The following EPHX2 variants were observed in gnomAD, a reference collection of about 807,000 sequenced individuals.
The protein encoded by EPHX2 is bifunctional epoxide hydrolase 2.
EPHX2 carries 74 observed loss-of-function variants against 78.7 expected under a neutral mutation model. The ratio of observed to expected loss-of-function variants is 0.94; its 90% confidence interval spans 0.78 to 1.14. The LOEUF is 1.14. EPHX2 is among the 50% of genes most tolerant of loss of function. The pLI is 0.00. For missense variants in EPHX2, 715 were observed against 702.5 expected, an observed-to-expected ratio of 1.02 and a Z score of -0.20; for synonymous variants, 251 against 255.2, an observed-to-expected ratio of 0.98 and a Z score of 0.16.
intron 12 of EPHX2, among the ~76,000 whole-genome samples, chr8:27,527,830 T>G (rs1814901369): frequency 6.6e-6 from 1 of 152,200 alleles, no homozygotes; most frequent in Non-Finnish European, 1.5e-5. Flanking sequence ...TGAGCTCTTA[T>G]GTGCCACGTG....
Position 27,522,387 on chromosome 8 carries a change from T to C in EPHX2, c.973-36T>C, listed in dbSNP as rs72475887. The C allele has an allele frequency of 1.9e-5, 30 of 1,607,604 alleles. No homozygotes were observed. In the African/African-American group the frequency reaches 3.2e-4, roughly 17 times the overall value. ...CTCTCAGCACCCCGTTCCAGAAGCC[T>C]CCCCACATTCGGCTCCCTTCTTTTT... On this transcript the variant is annotated intron_variant, in intron 10 of 18. Transcript: ENST00000521400.
At chr8:27,518,222 T>C in intron 9 of EPHX2, 150 bp downstream of exon 9, 1 of 652,304 alleles carries the variant, frequency 1.5e-6, no homozygotes, top group Admixed American at 3.2e-5. Flanking sequence ...TATTTCCAAA[T>C]GATAGCCCAC....
At chr8:27,546,768 G>T (rs1815583226), downstream of EPHX2, among the ~76,000 whole-genome samples, 1 of 152,188 alleles carries the variant, frequency 6.6e-6, no homozygotes, top group Non-Finnish European at 1.5e-5. Flanking sequence ...AGCATTGCCA[G>T]AAAATATAAC....
chr8:27,528,179 C>A (rs1174882525), intron 12 of EPHX2, among the ~76,000 whole-genome samples: 1 of 152,172 alleles, frequency 6.6e-6, no homozygotes, highest in Admixed American at 6.5e-5. Flanking sequence ...AGGTTGTTAA[C>A]AGTTATTGTG....
chr8:27,514,764 C>T (rs1273765636), intron 6 of EPHX2, among the ~76,000 whole-genome samples: 1 of 152,060 alleles, frequency 6.6e-6, no homozygotes, highest in East Asian at 1.9e-4. Flanking sequence ...CTTTCCTCTG[C>T]TTGGGAGACA....
chr8:27,530,915 C>T (rs1237954132), intron 12 of EPHX2, among the ~76,000 whole-genome samples: 1 of 152,068 alleles, frequency 6.6e-6, no homozygotes, highest in Non-Finnish European at 1.5e-5. Flanking sequence ...AGGCATGCAC[C>T]ACCACGCACG....
intron 2 of EPHX2, among the ~76,000 whole-genome samples, chr8:27,502,841 T>C (rs1245060033): frequency 6.6e-6 from 1 of 152,190 alleles, no homozygotes; most frequent in Non-Finnish European, 1.5e-5. Context: ...TTTCCAAATA[T>C]AGTCACATCA....
At chr8:27,541,314 C>T (rs1024768066) in intron 15 of EPHX2, among the ~76,000 whole-genome samples, 159 bp from the exon 16 acceptor site, 4 of 152,218 alleles carry the variant, frequency 2.6e-5, no homozygotes, top group African/African-American at 4.8e-5. Flanking sequence ...CAACTGCGCC[C>T]GACAGCAAGG....
intron 1 of EPHX2, among the ~76,000 whole-genome samples, chr8:27,492,649 C>T (rs1426189218): frequency 6.6e-6 from 1 of 152,222 alleles, no homozygotes; most frequent in Non-Finnish European, 1.5e-5. Flanking sequence ...GTTGCCGCTA[C>T]TGGCTGGGGT....
Position 27,506,890 on chromosome 8 carries a change from A to C in EPHX2, c.556A>C (p.Ile186Leu). 1 of 1,614,126 alleles carries C rather than the reference A, an allele frequency of 6.2e-7. No homozygotes were observed. Among genetic ancestry groups the C allele is most frequent in the Middle Eastern group, 1.7e-4 (1 of 6,054 alleles). The change falls in exon 5 of 19, where the codon ATC becomes CTC. Residue 186 changes from isoleucine to leucine, a missense_variant. Ile to Leu is a conservative substitution (Grantham distance 5). Transcript: ENST00000521400. ...SPSEVVFLDD[I>L]GANLKPARDL... ...GGCTCAGGTCGTTTTTTTGGATGAC[A>C]TCGGGGCTAATCTGAAGCCAGCCCG... is the stretch of plus-strand genomic sequence containing the variant.
chr8:27,535,163 ATATTTTATTT>A (rs58760249), intron 12 of EPHX2, among the ~76,000 whole-genome samples: 1 of 151,872 alleles, frequency 6.6e-6, no homozygotes, highest in South Asian at 2.1e-4. Flanking sequence ...TGTTACAGAA[ATATTTTATTT>A]TATTTTATTT....
intron 13 of EPHX2, among the ~76,000 whole-genome samples, chr8:27,537,802 T>C (rs549223956): frequency 6.6e-6 from 1 of 152,292 alleles, no homozygotes; most frequent in South Asian, 2.1e-4. Context: ...TATTGGATGT[T>C]TTTGGGGAGT....
intron 13 of EPHX2, among the ~76,000 whole-genome samples, chr8:27,538,320 C>A (rs1035379380): frequency 6.6e-6 from 1 of 152,206 alleles, no homozygotes; most frequent in Non-Finnish European, 1.5e-5. Flanking sequence ...ACATCTTCAA[C>A]TTCTCATCAT....
In EPHX2 at chr8:27,544,505, G is replaced by T. The variant is rs145200417; in HGVS notation, c.1651G>T (p.Val551Leu). The change falls in exon 19 of 19, where the codon GTG (valine) becomes TTG (leucine). Residue 551 changes from valine (V) to leucine (L), a missense_variant. By Grantham distance (32) the Val-to-Leu change is conservative. Transcript: ENST00000521400. ...GGATTCTGATGCCCGGAACCCACCGGTGGTCTCAAAGATGTAGAACGCAGC... is the reference window on the plus strand; with the variant it reads ...GGATTCTGATGCCCGGAACCCACCGTTGGTCTCAAAGATGTAGAACGCAGC... Reference protein sequence around the residue: ...WLDSDARNPPVVSKM With the variant: ...WLDSDARNPPLVSKM The T allele has an allele frequency of 4.0e-4, 649 of 1,613,914 alleles. 4 individuals are homozygous for T. The highest frequency in any genetic ancestry group is 1.3e-3 in the Admixed American group (81 of 60,024).
At chr8:27,503,960 G>T (rs1183679337) in intron 3 of EPHX2, among the ~76,000 whole-genome samples, 197 bp downstream of exon 3, 2 of 152,170 alleles carry the variant, frequency 1.3e-5, no homozygotes, top group African/African-American at 4.8e-5. Context: ...AAAATGGCAG[G>T]ATTTTACTTA....
At chr8:27,512,098 A>AAC in intron 6 of EPHX2, 188 bp downstream of exon 6, 12 of 404,536 alleles carry the variant, frequency 3.0e-5, no homozygotes, top group East Asian at 7.9e-5. Flanking sequence ...ACCCTGTCTC[A>AAC]AGAAAAAAAA....
At chr8:27,528,241 T>C (rs1751582618) in intron 12 of EPHX2, among the ~76,000 whole-genome samples, 1 of 152,100 alleles carries the variant, frequency 6.6e-6, no homozygotes. Context: ...AAATCTGCAG[T>C]GAGAGTTTTG....
intron 10 of EPHX2, 126 bp from the exon 11 acceptor site, chr8:27,522,297 T>C: frequency 1.3e-6 from 1 of 767,096 alleles, no homozygotes; most frequent in Non-Finnish European, 2.1e-6. Context: ...AGGGTGGGCA[T>C]TTGGAGAGCT....
intron 4 of EPHX2, 146 bp from the exon 5 acceptor site, chr8:27,506,726 G>A (rs188934977): frequency 6.4e-5 from 75 of 1,167,264 alleles, no homozygotes; most frequent in African/African-American, 2.1e-4. Context: ...GTTTTCATGC[G>A]TATGTTGTGT....
Sources: allele counts gnomAD v4.1 joint callset (sites outside exome capture counted in the v4.1 genomes callset), GRCh38; gene constraint gnomAD v4.1.1; transcripts MANE v1.5; gene names NCBI Gene and HGNC (gene_info 2026-07-23, HGNC 2026-07-21).